The following CLPB variants were observed in gnomAD, a reference collection of about 807,000 sequenced individuals.
CLPB encodes mitochondrial disaggregase.
In CLPB, 40 loss-of-function variants were observed where a neutral mutation model predicts 78.4. The ratio of observed to expected loss-of-function variants is 0.51; its 90% CI spans 0.40 to 0.66. The LOEUF is 0.66. Ranked by LOEUF, CLPB falls within the 30% of genes least tolerant of loss-of-function variation. The probability of loss-of-function intolerance (pLI) is 0.00; values close to 1 mark genes in which losing one functional copy is unlikely to be tolerated. For synonymous variants in CLPB, 333 were observed against 348.0 expected (o/e 0.96, Z 0.48); for missense variants, 780 against 886.9 (o/e 0.88, Z 1.53).
intron 6 of CLPB, among the ~76,000 whole-genome samples, chr11:72,323,402 A>G (rs1407866808): frequency 6.6e-6 from 1 of 151,840 alleles, no homozygotes; most frequent in Admixed American, 6.6e-5. Context: ...CCTCGTCTTT[A>G]CTAAAAATAC....
chr11:72,375,079 C>A (rs544932680), intron 4 of CLPB, among the ~76,000 whole-genome samples: 1 of 152,208 alleles, frequency 6.6e-6, no homozygotes, highest in Non-Finnish European at 1.5e-5. Flanking sequence ...CTGCTAATAT[C>A]TATTTACTCT....
In CLPB at chr11:72,294,399, C is replaced by T. The variant is rs776356646; in HGVS notation, c.1606G>A (p.Val536Ile). ...DEFLGRINEIVYFLPFCHSEL... is the reference protein window; with the variant it reads ...DEFLGRINEIIYFLPFCHSEL... ...GAGTGGCAGAAGGGGAGGAAGTAGA[C>T]GATCTCATTGATCCGTCCCAGAAAC... The change falls in exon 14 of 16, where the codon GTC becomes ATC. Residue 536 changes from valine (V) to isoleucine (I), a missense_variant. Physicochemically the swap from Val to Ile is conservative, Grantham distance 29. Transcript: ENST00000538039. 8.7e-6 allele frequency: 14 copies of T among 1,614,082 alleles called. No individual in the cohort carries two copies. Among genetic ancestry groups the T allele is most frequent in the Admixed American group, 3.3e-5 (2 of 60,002 alleles).
At chr11:72,384,912 T>C (rs970792610) in intron 3 of CLPB, among the ~76,000 whole-genome samples, 3 of 152,052 alleles carry the variant, frequency 2.0e-5, no homozygotes, top group African/African-American at 7.2e-5. Context: ...TATTAATCAA[T>C]GGGAAGGGAA....
intron 2 of CLPB, among the ~76,000 whole-genome samples, chr11:72,407,502 G>C (rs1441110884): frequency 6.6e-6 from 1 of 152,210 alleles, no homozygotes; most frequent in East Asian, 1.9e-4. Context: ...ATTTTAAGAG[G>C]AAGAACTCCT....
rs201668123 is a variant in CLPB, at chr11:72,293,464, G to A, written c.1937C>T (p.Pro646Leu). The change falls in exon 16 of 16, where the codon CCC (proline) becomes CTC (leucine). Residue 646 changes from proline (P) to leucine (L), a missense_variant. Coordinates refer to ENST00000538039, the MANE Select transcript of CLPB (RefSeq NM_001258392.3). ...LPSPQAEKRL[P>L]KLRLEIIDKD... ...GTCGATGATCTCCAGACGCAGCTTG[G>A]GGAGGCGCTTCTCAGCCTGGGGTGA... is the stretch of plus-strand genomic sequence containing the variant. The A allele has an allele frequency of 1.2e-6, 2 of 1,614,170 alleles. No individual in the cohort carries two copies. Among genetic ancestry groups the A allele is most frequent in the Non-Finnish European group, 1.7e-6 (2 of 1,180,030 alleles).
At chr11:72,412,984 C>T (rs1478537777) in intron 2 of CLPB, among the ~76,000 whole-genome samples, 1 of 152,140 alleles carries the variant, frequency 6.6e-6, no homozygotes, top group African/African-American at 2.4e-5. Context: ...CACACACACA[C>T]ACACCCCTTC....
intron 10 of CLPB, 132 bp downstream of exon 10, chr11:72,302,172 G>T: frequency 2.9e-6 from 3 of 1,035,944 alleles, no homozygotes; most frequent in Non-Finnish European, 4.4e-6. Flanking sequence ...CAGTGACCCT[G>T]CTGCACACCT....
rs528727721 is a variant in CLPB at position 72,414,569 on chromosome 11, C to A, written c.456-11517G>T. ...CCTCCTCGGGCAAAGGTGTGGCCTT[C>A]ACTCACTCAACAAAACTGAAGTAAC... On this transcript the variant is annotated intron_variant, in intron 2 of 15. Transcript: ENST00000538039. Among the ~76,000 whole-genome samples, 9 of 152,342 alleles carry A rather than the reference C, an allele frequency of 5.9e-5. No individual in the cohort carries two copies. The East Asian group carries it at 1.7e-3, about 29-fold the overall frequency.
intron 2 of CLPB, among the ~76,000 whole-genome samples, chr11:72,408,666 C>CAAA (rs576990524): frequency 1.2e-4 from 8 of 64,242 alleles, no homozygotes; most frequent in African/African-American, 3.2e-4. Context: ...GACTCTGTCT[C>CAAA]AAAAAAAAAA....
chr11:72,352,589 C>T (rs568945875), intron 5 of CLPB: 15 of 152,392 alleles, frequency 9.8e-5, no homozygotes, highest in African/African-American at 3.4e-4. Context: ...CTACATCATG[C>T]TTTCCCTGCC....
chr11:72,323,380 A>G lies in CLPB; in HGVS notation c.874-6160T>C, dbSNP rs1950076773. Among the ~76,000 whole-genome samples, 3 of 152,056 alleles carry G rather than the reference A, an allele frequency of 2.0e-5. No individual in the cohort carries two copies. In the South Asian group the frequency reaches 6.2e-4, roughly 32 times the overall value. On this transcript the variant is annotated intron_variant, in intron 6 of 15. Coordinates refer to ENST00000538039, the MANE Select transcript of CLPB (RefSeq NM_001258392.3). ...TCAAGAGATCGAGACCATCCTAGCCAACATGGTGAAACCTCGTCTTTACTA... is the reference window on the plus strand; with the variant it reads ...TCAAGAGATCGAGACCATCCTAGCCGACATGGTGAAACCTCGTCTTTACTA...
rs149822834 is a variant in CLPB at position 72,294,937 on chromosome 11, G to GGAGAGGA, written c.1487-251_1487-245dup. On this transcript the variant is annotated intron_variant, in intron 12 of 15. Transcript: ENST00000538039. ...TCAGGGTGGGAGTTGTGTGAGGGAG[G>GGAGAGGA]GAGAGGAGAGGAAACGTCAGGATTA... Among the ~76,000 whole-genome samples, 10,680 of 142,820 alleles carry GGAGAGGA rather than the reference G, an allele frequency of 0.075. 533 individuals are homozygous for GGAGAGGA. The highest frequency in any genetic ancestry group is 0.17 in the African/African-American group (5,829 of 33,494). 93.7% of individuals were successfully genotyped at this position (142,820 alleles called of 152,430 possible). A position where few individuals can be genotyped will look rare whatever the true frequency, so the allele number is the denominator to read the frequency against.
chr11:72,334,641 C>T lies in CLPB; in HGVS notation c.776-4837G>A, dbSNP rs184350615. On this transcript the variant is annotated intron_variant, in intron 5 of 15. Coordinates refer to ENST00000538039, the MANE Select transcript of CLPB (RefSeq NM_001258392.3). ...CCTCTCCAGGGGCATCAGGATGGCC[C>T]GTGCCCTGGCCTGACCTCCCCTTGC... 1.1e-4 allele frequency among the ~76,000 whole-genome samples: 16 copies of T among 152,364 alleles called. 1 individual carries two copies. In the East Asian group the frequency reaches 3.1e-3, roughly 29 times the overall value.
chr11:72,380,102 G>C (rs962524390), intron 4 of CLPB, among the ~76,000 whole-genome samples, 179 bp downstream of exon 4: 2 of 152,128 alleles, frequency 1.3e-5, no homozygotes, highest in African/African-American at 4.8e-5. Flanking sequence ...CATAAAGTTA[G>C]AGCCAGGGGA....
rs1271187251 is a variant in CLPB, at chr11:72,434,491, A to G, written c.-17T>C. 5.9e-6 allele frequency: 9 copies of G among 1,524,012 alleles called. No homozygotes were observed. The highest frequency in any genetic ancestry group is 7.9e-6 in the Non-Finnish European group (9 of 1,134,784). 94.4% of individuals were successfully genotyped at this position (1,524,012 alleles called of 1,614,324 possible). A position where few individuals can be genotyped will look rare whatever the true frequency, so the allele number is the denominator to read the frequency against. ...CCCCAGCATCTTGACAGCTGCTTCG[A>G]TAACCCCGTGGTGCCGGCCCCTGTG... On this transcript the variant is annotated 5_prime_UTR_variant, in exon 1 of 16. Transcript: ENST00000538039.
intron 2 of CLPB, among the ~76,000 whole-genome samples, chr11:72,409,592 A>G (rs181356144): frequency 1.6e-4 from 24 of 152,230 alleles, no homozygotes; most frequent in Admixed American, 1.2e-3. Flanking sequence ...TCAAAAACAA[A>G]AAAAAAGTCC....
chr11:72,329,751 G>C lies in CLPB; in HGVS notation c.829C>G (p.Arg277Gly). The C allele has an allele frequency of 2.5e-6, 4 of 1,613,864 alleles. No homozygotes were observed. The highest frequency in any genetic ancestry group is 3.4e-6 in the Non-Finnish European group (4 of 1,179,924). Residue 277 changes from arginine to glycine, a missense_variant, in exon 6 of 16, where the codon CGA becomes GGA. Arg to Gly is a moderately radical substitution (Grantham distance 125, BLOSUM62 -2). Transcript: ENST00000538039. ...EMGHTPLDYA[R>G]EGEVMKLLRT... The stretch of plus-strand genomic sequence containing the variant: ...AGAAGCTTCATCACTTCCCCTTCTC[G>C]GGCATAATCCAAGGGTGTGTGTCCC...
intron 2 of CLPB, among the ~76,000 whole-genome samples, chr11:72,417,712 T>A (rs1856064052): frequency 6.6e-6 from 1 of 152,134 alleles, no homozygotes; most frequent in Non-Finnish European, 1.5e-5. Flanking sequence ...GAGGGCTGGA[T>A]GTTGACCATC....
intron 6 of CLPB, among the ~76,000 whole-genome samples, chr11:72,324,189 G>A (rs958356497): frequency 1.3e-5 from 2 of 152,046 alleles, no homozygotes; most frequent in African/African-American, 2.4e-5. Flanking sequence ...TTAATAAGGT[G>A]TGTCTTGTAT....
Sources: allele counts gnomAD v4.1 joint callset (sites outside exome capture counted in the v4.1 genomes callset), GRCh38; gene constraint gnomAD v4.1.1; transcripts MANE v1.5; gene names NCBI Gene and HGNC (gene_info 2026-07-23, HGNC 2026-07-21).